KHDRBS2: variants seen among roughly 807,000 people sequenced by gnomAD.
The protein encoded by KHDRBS2 is KH domain-containing, RNA-binding, signal transduction-associated protein 2.
Under a neutral mutation model 44.3 loss-of-function variants are expected in KHDRBS2, and 26 were observed. The observed-to-expected ratio is 0.59, with a 90% CI of 0.43 to 0.81. KHDRBS2 has a LOEUF of 0.81. Among genes scored for constraint, KHDRBS2 ranks in the 40% least tolerant of loss-of-function variants. The pLI is 0.00. For missense variants in KHDRBS2, 476 were observed against 433.1 expected (o/e 1.10, Z -0.88); for synonymous variants, 194 against 151.1 (o/e 1.28, Z -2.08).
intron 1 of KHDRBS2, among the ~76,000 whole-genome samples, chr6:62,238,124 A>C (rs892905748): frequency 1.3e-5 from 2 of 152,050 alleles, no homozygotes; most frequent in Non-Finnish European, 2.9e-5. Flanking sequence ...TTGTCAAATT[A>C]ATTAGATGTA....
intron 1 of KHDRBS2, among the ~76,000 whole-genome samples, chr6:62,245,852 T>C (rs1208273597): frequency 1.3e-5 from 2 of 151,878 alleles, no homozygotes; most frequent in African/African-American, 2.4e-5. Context: ...CTCTAGGGAA[T>C]AGAGCAGTTT....
chr6:61,955,052 ATATG>A (rs1395121160), intron 4 of KHDRBS2, among the ~76,000 whole-genome samples: 1 of 144,844 alleles, frequency 6.9e-6, no homozygotes, highest in African/African-American at 2.5e-5. Flanking sequence ...ATGTATACAT[ATATG>A]TATGTATACA....
At chr6:61,557,397 T>C in the KHDRBS2 span, among the ~76,000 whole-genome samples, 1 of 152,134 alleles carries the variant, frequency 6.6e-6, no homozygotes, top group Non-Finnish European at 1.5e-5. Flanking sequence ...ATAGAGAGTG[T>C]CTCTCCTGCC....
intron 2 of KHDRBS2, among the ~76,000 whole-genome samples, chr6:62,062,851 G>A (rs931426272): frequency 2.9e-4 from 43 of 147,908 alleles, no homozygotes; most frequent in African/African-American, 9.9e-4. Context: ...CTGGTTTTTT[G>A]AAAGGATCAA....
In KHDRBS2 at chr6:61,954,810, ACG is replaced by A. The variant is rs1214509666; in HGVS notation, c.483+23254_483+23255del. ...TACACATGCATATGTATGTATACAT[ACG>A]CATGTGTATATACACATGCATATGT... On this transcript the variant is annotated intron_variant, in intron 4 of 8. Transcript: ENST00000281156. Among the ~76,000 whole-genome samples, 41 of 94,678 alleles carry A rather than the reference ACG, an allele frequency of 4.3e-4. 12 individuals are homozygous for A. In the South Asian group the frequency reaches 4.8e-3, roughly 11 times the overall value. The allele number at this position is 94,678 out of a possible 152,430, so 62.1% of individuals were successfully genotyped here. A position where few individuals can be genotyped will look rare whatever the true frequency, so the allele number is the denominator to read the frequency against.
In KHDRBS2 at chr6:61,837,909, T is replaced by C. The variant is rs73476688; in HGVS notation, c.810+56726A>G. Among the ~76,000 whole-genome samples, 1,500 of 152,148 alleles carry C rather than the reference T, an allele frequency of 9.9e-3. 26 individuals carry two copies. Among genetic ancestry groups the C allele is most frequent in the African/African-American group, 0.035 (1,442 of 41,544 alleles). ...GCAGTATGGTAGATGCTCTATCAGCTGATCAAAGAAGAAAAATATATAACT... is the reference window on the plus strand; with the variant it reads ...GCAGTATGGTAGATGCTCTATCAGCCGATCAAAGAAGAAAAATATATAACT... On this transcript the variant is annotated intron_variant, in intron 6 of 8. Coordinates refer to ENST00000281156, the MANE Select transcript of KHDRBS2 (RefSeq NM_152688.4).
chr6:62,108,197 TG>T (rs1803989854), intron 2 of KHDRBS2, among the ~76,000 whole-genome samples: 1 of 152,160 alleles, frequency 6.6e-6, no homozygotes, highest in Non-Finnish European at 1.5e-5. Flanking sequence ...CCTACTCATC[TG>T]ACAAAGGGCT....
chr6:62,101,254 A>C (rs780168470), intron 2 of KHDRBS2, among the ~76,000 whole-genome samples: 3 of 152,134 alleles, frequency 2.0e-5, no homozygotes, highest in Non-Finnish European at 4.4e-5. Context: ...TGCTATGGTC[A>C]ATCTCAGGTT....
chr6:61,545,431 T>C, the KHDRBS2 span, among the ~76,000 whole-genome samples: 1 of 151,952 alleles, frequency 6.6e-6, no homozygotes, highest in African/African-American at 2.4e-5. Context: ...TGACATAAAA[T>C]TTTAGGTCAT....
the KHDRBS2 span, among the ~76,000 whole-genome samples, chr6:61,547,477 C>A: frequency 6.6e-6 from 1 of 151,886 alleles, no homozygotes; most frequent in Non-Finnish European, 1.5e-5. Context: ...TTTGATGGAC[C>A]CAGCTAACAA....
intron 4 of KHDRBS2, among the ~76,000 whole-genome samples, chr6:61,959,883 T>C (rs75560359): frequency 0.011 from 1,727 of 152,300 alleles, 28 homozygotes; most frequent in African/African-American, 0.039. Flanking sequence ...TCCCTGCCTC[T>C]GTGCTCCTAA....
intron 6 of KHDRBS2, among the ~76,000 whole-genome samples, chr6:61,778,425 C>A (rs1216097180): frequency 6.6e-6 from 1 of 151,936 alleles, no homozygotes; most frequent in Non-Finnish European, 1.5e-5. Flanking sequence ...ATAATTTACC[C>A]AAAAAACATA....
At chr6:61,568,394 T>C in the KHDRBS2 span, among the ~76,000 whole-genome samples, 2 of 152,010 alleles carry the variant, frequency 1.3e-5, no homozygotes, top group Admixed American at 6.6e-5. Context: ...GGTGAGAGGG[T>C]GTGTTAAGAC....
At chr6:62,161,318 C>G (rs1033769207) in intron 2 of KHDRBS2, among the ~76,000 whole-genome samples, 1 of 151,318 alleles carries the variant, frequency 6.6e-6, no homozygotes. Flanking sequence ...AATTCCACAT[C>G]TATTAATTCA....
At chr6:62,269,089 CA>C (rs1839666457) in intron 1 of KHDRBS2, among the ~76,000 whole-genome samples, 1 of 151,900 alleles carries the variant, frequency 6.6e-6, no homozygotes, top group Non-Finnish European at 1.5e-5. Flanking sequence ...ACAACACATA[CA>C]AAAATTATTT....
At chr6:61,960,649 A>C (rs1357176689) in intron 4 of KHDRBS2, among the ~76,000 whole-genome samples, 6 of 152,158 alleles carry the variant, frequency 3.9e-5, no homozygotes, top group African/African-American at 1.4e-4. Context: ...GAATGCCTCC[A>C]TTAACAAAAC....
At chr6:61,561,540 T>C in the KHDRBS2 span, among the ~76,000 whole-genome samples, 1 of 152,108 alleles carries the variant, frequency 6.6e-6, no homozygotes, top group Non-Finnish European at 1.5e-5. Flanking sequence ...TACTGCAGCT[T>C]AGCTGGTACC....
intron 3 of KHDRBS2, among the ~76,000 whole-genome samples, chr6:62,040,902 A>ATC (rs1333573416): frequency 6.6e-6 from 1 of 152,134 alleles, no homozygotes. Flanking sequence ...GACCCTATTC[A>ATC]TCTCTCTCTA....
chr6:62,223,224 G>A (rs754639503), intron 1 of KHDRBS2, among the ~76,000 whole-genome samples: 2 of 152,194 alleles, frequency 1.3e-5, no homozygotes, highest in African/African-American at 2.4e-5. Flanking sequence ...CTGTGCACTC[G>A]CAGGCTCAAC....
Sources: gnomAD v4.1 joint callset for allele counts (sites outside exome capture counted in the v4.1 genomes callset) on GRCh38, gnomAD v4.1.1 for gene constraint, MANE v1.5 for transcripts, NCBI Gene and HGNC (gene_info 2026-07-23, HGNC 2026-07-21) for gene names.